PCCA: variants seen among roughly 807,000 people sequenced by gnomAD.
PCCA encodes propionyl-CoA carboxylase alpha chain, mitochondrial.
In PCCA, 74 loss-of-function variants were observed where a neutral mutation model predicts 101.3. That is an observed-to-expected ratio of 0.73 (90% confidence interval 0.61 to 0.89). PCCA has a LOEUF of 0.89. Ranked by LOEUF, PCCA falls within the 40% of genes least tolerant of loss-of-function variation. The pLI is 0.00. For missense variants in PCCA, 891 were observed against 907.0 expected (o/e 0.98, Z 0.23); for synonymous variants, 294 against 313.6 (o/e 0.94, Z 0.66).
In PCCA at chr13:100,152,458, T is replaced by A. The variant is rs968376554; in HGVS notation, c.301-2521T>A. 3.9e-5 allele frequency among the ~76,000 whole-genome samples: 6 copies of A among 152,134 alleles called. No homozygotes were observed. The South Asian group carries it at 8.3e-4, about 21-fold the overall frequency. ...TAGGTTTATTTTATTTATTTATTTA[T>A]TTTTTTGAGACAGAGTCTCACTCTG... On this transcript the variant is annotated intron_variant, in intron 4 of 23. Coordinates refer to ENST00000376285, the MANE Select transcript of PCCA (RefSeq NM_000282.4).
rs565342521 is a variant in PCCA, at chr13:100,317,232, C to T, written c.1429+7324C>T. Among the ~76,000 whole-genome samples, 439 of 152,214 alleles carry T rather than the reference C, an allele frequency of 2.9e-3. 1 individual carries two copies. The highest frequency in any genetic ancestry group is 0.01 in the African/African-American group (420 of 41,538). On this transcript the variant is annotated intron_variant, in intron 16 of 23. Transcript: ENST00000376285. ...TCTAATACCTTTCATCCCTTCCAGT[C>T]CCTCCCTTAGAGTCTTATTTTTTCC...
chr13:100,527,752 G>C lies in PCCA; in HGVS notation c.2118G>C (p.Thr706=), dbSNP rs758468297. The change falls in exon 23 of 24, where the codon ACG becomes ACC. Residue 706 remains threonine, a splice_region_variant and synonymous_variant. Transcript: ENST00000376285. Reference sequence around the variant, plus strand: ...GTATGACAGCTGGGAAAACTGGCACGGTGAGTCCCTAAGTCCCCATCAGCC... The same window carrying C: ...GTATGACAGCTGGGAAAACTGGCACCGTGAGTCCCTAAGTCCCCATCAGCC... ...QNSMTAGKTG[T]VKSVHCQAGD... is the part of the protein sequence containing the mutation. 3.1e-6 allele frequency: 5 copies of C among 1,608,096 alleles called. No homozygotes were observed. The African/African-American group carries it at 6.7e-5, about 21-fold the overall frequency.
chr13:100,306,128 A>G (rs924209640), intron 14 of PCCA, among the ~76,000 whole-genome samples: 5 of 152,182 alleles, frequency 3.3e-5, no homozygotes, highest in African/African-American at 1.2e-4. Flanking sequence ...TAATTGCCTA[A>G]ATTAAAATAT....
intron 21 of PCCA, among the ~76,000 whole-genome samples, chr13:100,497,508 C>T (rs1252979958): frequency 6.7e-6 from 1 of 150,286 alleles, no homozygotes; most frequent in East Asian, 2.0e-4. Context: ...ACTGACTTAC[C>T]AAGGCTTGGG....
chr13:100,151,065 G>C (rs892616242), intron 4 of PCCA: 1 of 1,552,046 alleles, frequency 6.4e-7, no homozygotes, highest in East Asian at 2.2e-5. Flanking sequence ...TGCTTTCTCC[G>C]TAGCTCCTGG....
At chr13:100,253,977 T>C (rs2061917970) in intron 8 of PCCA, among the ~76,000 whole-genome samples, 1 of 151,968 alleles carries the variant, frequency 6.6e-6, no homozygotes, top group African/African-American at 2.4e-5. Context: ...AATAAATACA[T>C]ACCTGAGACT....
At chr13:100,322,867 A>T (rs75863488) in intron 16 of PCCA, among the ~76,000 whole-genome samples, 1 of 152,106 alleles carries the variant, frequency 6.6e-6, no homozygotes, top group East Asian at 1.9e-4. Context: ...GAGCCACTGC[A>T]CCCAGCACAA....
chr13:100,360,949 G>T (rs1428745408), intron 18 of PCCA, among the ~76,000 whole-genome samples: 1 of 152,138 alleles, frequency 6.6e-6, no homozygotes, highest in Non-Finnish European at 1.5e-5. Flanking sequence ...CCGTACAATG[G>T]AATATTATTT....
At position 100,205,277 on chromosome 13, in the gene PCCA, C is replaced by T. The variant is rs571891206; in HGVS notation, c.469-4055C>T. ...GAACTGAAAACATTTGAAACATGCT[C>T]CATCACACTGCAGTTACCATACTCT... On this transcript the variant is annotated intron_variant, in intron 6 of 23. Coordinates refer to ENST00000376285, the MANE Select transcript of PCCA (RefSeq NM_000282.4). Among the ~76,000 whole-genome samples the T allele has an allele frequency of 2.6e-5, 4 of 152,250 alleles. No individual in the cohort carries two copies. In the East Asian group the frequency reaches 7.7e-4, roughly 29 times the overall value.
intron 10 of PCCA, among the ~76,000 whole-genome samples, chr13:100,268,222 A>G (rs569274425): frequency 6.6e-5 from 10 of 152,338 alleles, no homozygotes; most frequent in African/African-American, 2.4e-4. Context: ...AAACCACAGT[A>G]CAGACATCCA....
In PCCA at chr13:100,102,938, T is replaced by A. The variant is rs2047404972; in HGVS notation, c.161T>A (p.Val54Glu). 6.2e-7 allele frequency: 1 copy of A among 1,601,364 alleles called. No individual in the cohort carries two copies. Among genetic ancestry groups the A allele is most frequent in the Admixed American group, 1.7e-5 (1 of 59,994 alleles). ...ATGGTGTCCCGTAATCTTGGTTCAG[T>A]GGGATATGATCCTAATGAAAAAGTA... ...CLMVSRNLGS[V>E]GYDPNEKTFD... The change falls in exon 2 of 24, where the codon GTG becomes GAG. Residue 54 changes from valine to glutamate, a missense_variant. Physicochemically the swap from Val to Glu is moderately radical, Grantham distance 121. Coordinates refer to ENST00000376285, the MANE Select transcript of PCCA (RefSeq NM_000282.4).
At chr13:100,435,451 T>C (rs1276135003) in intron 20 of PCCA, among the ~76,000 whole-genome samples, 1 of 152,220 alleles carries the variant, frequency 6.6e-6, no homozygotes, top group Non-Finnish European at 1.5e-5. Context: ...TTTATCTGAT[T>C]AGATGAGTAA....
chr13:100,220,526 C>T (rs1487113713), intron 7 of PCCA, among the ~76,000 whole-genome samples: 2 of 151,974 alleles, frequency 1.3e-5, no homozygotes, highest in Admixed American at 1.3e-4. Flanking sequence ...CTGCCTCGGC[C>T]TCCCAAAGTG....
intron 8 of PCCA, among the ~76,000 whole-genome samples, chr13:100,249,630 G>T (rs1392871784): frequency 6.6e-6 from 1 of 152,134 alleles, no homozygotes; most frequent in Non-Finnish European, 1.5e-5. Flanking sequence ...CTAGGACTTT[G>T]ATTTTAATTG....
In PCCA at chr13:100,172,050, T is replaced by A. The variant is rs867403714; in HGVS notation, c.468+14710T>A. 3.6e-3 allele frequency among the ~76,000 whole-genome samples: 486 copies of A among 135,544 alleles called. 3 individuals are homozygous for A. Among genetic ancestry groups the A allele is most frequent in the African/African-American group, 0.011 (403 of 36,450 alleles). 88.9% of individuals were successfully genotyped at this position (135,544 alleles called of 152,430 possible). A position where few individuals can be genotyped will look rare whatever the true frequency, so the allele number is the denominator to read the frequency against. ...CTGTCTCAAAAAAAAAAAAAAAAAA[T>A]ATTAGCTGGGTGTGTTGGCATGCGC... is the stretch of plus-strand genomic sequence containing the variant. On this transcript the variant is annotated intron_variant, in intron 6 of 23. Coordinates refer to ENST00000376285, the MANE Select transcript of PCCA (RefSeq NM_000282.4).
chr13:100,155,161 T>TA (rs1235817960), intron 5 of PCCA, 69 bp downstream of exon 5: 42 of 1,017,378 alleles, frequency 4.1e-5, no homozygotes, highest in Non-Finnish European at 5.1e-5. Flanking sequence ...GAGTTTGTAT[T>TA]TAAAAAAAAA....
intron 4 of PCCA, chr13:100,149,204 A>T (rs1421708325): frequency 6.9e-6 from 1 of 143,998 alleles, no homozygotes; most frequent in Non-Finnish European, 1.5e-5. Flanking sequence ...AGATTGATGC[A>T]GTTGGCTTTC....
chr13:100,182,855 TC>T (rs1594588978), intron 6 of PCCA, among the ~76,000 whole-genome samples: 1 of 152,112 alleles, frequency 6.6e-6, no homozygotes, highest in East Asian at 1.9e-4. Context: ...CTTTTGCCAC[TC>T]CCGTCTGTTC....
chr13:100,426,437 ATTC>A lies in PCCA; in HGVS notation c.1845+709_1845+711del, dbSNP rs35503587. Reference sequence around the variant, plus strand: ...GCCCCACCCATAGCATTAAATGCTCATTCTTTGTTCTTTTTTATGAAAATCATC... The same window carrying A: ...GCCCCACCCATAGCATTAAATGCTCATTTGTTCTTTTTTATGAAAATCATC... On this transcript the variant is annotated intron_variant, in intron 20 of 23. Coordinates refer to ENST00000376285, the MANE Select transcript of PCCA (RefSeq NM_000282.4). Among the ~76,000 whole-genome samples, 877 of 152,186 alleles carry A rather than the reference ATTC, an allele frequency of 5.8e-3. 11 individuals carry two copies. The highest frequency in any genetic ancestry group is 0.02 in the African/African-American group (845 of 41,544).
Sources: gnomAD v4.1 joint callset for allele counts (sites outside exome capture counted in the v4.1 genomes callset) on GRCh38, gnomAD v4.1.1 for gene constraint, MANE v1.5 for transcripts, NCBI Gene and HGNC (gene_info 2026-07-23, HGNC 2026-07-21) for gene names.